GRIP1: variants seen among roughly 807,000 people sequenced by gnomAD.
GRIP1 encodes glutamate receptor-interacting protein 1.
Under a neutral mutation model 129.9 loss-of-function variants are expected in GRIP1, and 45 were observed. The observed-to-expected ratio is 0.35, with a 90% CI of 0.27 to 0.44. The LOEUF (loss-of-function observed/expected upper bound fraction) is 0.44. Among genes scored for constraint, GRIP1 ranks in the 20% least tolerant of loss-of-function variants. GRIP1 has a pLI of 1.00. For synonymous variants in GRIP1, 530 were observed against 520.8 expected, an observed-to-expected ratio of 1.02 and a Z score of -0.24; for missense variants, 1,196 against 1,396.8, an observed-to-expected ratio of 0.86 and a Z score of 2.29.
intron 7 of GRIP1, 82 bp from the exon 8 acceptor site, chr12:66,465,504 G>T: frequency 8.4e-7 from 1 of 1,194,426 alleles, no homozygotes; most frequent in Non-Finnish European, 1.2e-6. Context: ...AGAATATTCA[G>T]TTTGGTGTTA....
chr12:66,675,746 G>T (rs572893719), intron 1 of GRIP1, among the ~76,000 whole-genome samples: 1 of 152,138 alleles, frequency 6.6e-6, no homozygotes, highest in African/African-American at 2.4e-5. Flanking sequence ...AGAAAAGAAC[G>T]GCATTGCTTC....
At chr12:66,947,903 G>GA (rs2041697248) in intron 1 of GRIP1, among the ~76,000 whole-genome samples, 1 of 152,206 alleles carries the variant, frequency 6.6e-6, no homozygotes, top group South Asian at 2.1e-4. Context: ...TCCAGGGCAT[G>GA]AAGGGGAGTT....
At chr12:66,663,677 T>G (rs1306997189) in intron 1 of GRIP1, among the ~76,000 whole-genome samples, 3 of 152,204 alleles carry the variant, frequency 2.0e-5, no homozygotes, top group African/African-American at 7.2e-5. Flanking sequence ...AAAGAACTTG[T>G]TAGGCTCCTA....
intron 1 of GRIP1, among the ~76,000 whole-genome samples, chr12:66,855,263 T>C (rs1394872978): frequency 6.6e-6 from 1 of 152,046 alleles, no homozygotes; most frequent in East Asian, 1.9e-4. Flanking sequence ...AAAATCAAAC[T>C]ACCCTCTAAG....
Position 66,456,330 on chromosome 12 carries a change from C to T in GRIP1, c.1055G>A (p.Arg352Lys), listed in dbSNP as rs760742394. 1.1e-4 allele frequency: 136 copies of T among 1,288,858 alleles called. No individual in the cohort carries two copies. The Middle Eastern group carries it at 1.3e-3, about 12-fold the overall frequency. 79.8% of individuals were successfully genotyped at this position (1,288,858 alleles called of 1,614,324 possible). Residue 352 changes from arginine to lysine, a missense_variant, in exon 10 of 25, where the codon AGG becomes AAG. This residue lies in a region of GRIP1 where 508 missense variants were observed against 587.0 expected (regional missense o/e 0.87). Transcript: ENST00000359742. ...LKGPDHVKIQ[R>K]SDRQLTWDSW... ...ATCCCAGGTAAGTTGCCTGTCGCTC[C>T]TCTGAATTTTCACTGCCCATATGAA...
intron 1 of GRIP1, among the ~76,000 whole-genome samples, chr12:67,043,845 C>A (rs1356022822): frequency 6.6e-6 from 1 of 151,946 alleles, no homozygotes; most frequent in Non-Finnish European, 1.5e-5. Flanking sequence ...TGCATTTGTA[C>A]AGAAGATTTG....
chr12:66,573,196 G>A (rs1267520898), intron 2 of GRIP1, among the ~76,000 whole-genome samples: 2 of 152,088 alleles, frequency 1.3e-5, no homozygotes, highest in African/African-American at 4.8e-5. Context: ...GGCAGCCTCT[G>A]GGGCTGACAG....
At chr12:66,486,632 C>T (rs1264734390) in intron 7 of GRIP1, among the ~76,000 whole-genome samples, 5 of 152,166 alleles carry the variant, frequency 3.3e-5, no homozygotes, top group Admixed American at 3.3e-4. Context: ...GGACTTGCTC[C>T]TTCTTGCCTT....
At chr12:66,735,288 G>T (rs1430122056) in intron 1 of GRIP1, among the ~76,000 whole-genome samples, 1 of 152,140 alleles carries the variant, frequency 6.6e-6, no homozygotes, top group Non-Finnish European at 1.5e-5. Flanking sequence ...CATAGAGAAA[G>T]TAAAAATATG....
At chr12:67,024,927 T>A (rs2042919711) in intron 1 of GRIP1, among the ~76,000 whole-genome samples, 1 of 152,242 alleles carries the variant, frequency 6.6e-6, no homozygotes, top group Non-Finnish European at 1.5e-5. Context: ...CACTGCCATT[T>A]GTTTTTCTTT....
chr12:66,722,160 G>A (rs1442195719), intron 1 of GRIP1, among the ~76,000 whole-genome samples: 1 of 152,044 alleles, frequency 6.6e-6, no homozygotes, highest in Non-Finnish European at 1.5e-5. Context: ...TTAACTATTT[G>A]GCGAAAGAGA....
At chr12:66,688,980 G>T (rs2034882644) in intron 1 of GRIP1, among the ~76,000 whole-genome samples, 1 of 152,090 alleles carries the variant, frequency 6.6e-6, no homozygotes, top group South Asian at 2.1e-4. Flanking sequence ...CAAGCCCCCT[G>T]CAGTCTAGCA....
chr12:66,581,042 A>T (rs2063356582), intron 2 of GRIP1, among the ~76,000 whole-genome samples: 1 of 152,320 alleles, frequency 6.6e-6, no homozygotes, highest in Middle Eastern at 3.4e-3. Flanking sequence ...AAAGAACAGA[A>T]ATTATAACAA....
rs755458052 is a variant in GRIP1 at position 66,827,387 on chromosome 12, T to TGTGA, written c.59-230461_59-230460insTCAC. 2.1e-3 allele frequency among the ~76,000 whole-genome samples: 231 copies of TGTGA among 108,290 alleles called. No homozygotes were observed. In the East Asian group the frequency reaches 0.021, roughly 10 times the overall value. 71.0% of individuals were successfully genotyped at this position (108,290 alleles called of 152,430 possible). On this transcript the variant is annotated intron_variant, in intron 1 of 1. Coordinates refer to the GRIP1 transcript ENST00000643019. ...AGGTGTGTGTGTGTGTGTGTGTGTG[T>TGTGA]GAGAGAGAGAGAGAGAGAGAGAGAG...
chr12:66,434,631 T>C (rs1470004318), intron 13 of GRIP1, among the ~76,000 whole-genome samples: 1 of 152,238 alleles, frequency 6.6e-6, no homozygotes, highest in Non-Finnish European at 1.5e-5. Flanking sequence ...GCAAATGTCA[T>C]AAATATTTCC....
chr12:66,814,258 A>G (rs1377403293), intron 1 of GRIP1, among the ~76,000 whole-genome samples: 1 of 152,144 alleles, frequency 6.6e-6, no homozygotes, highest in Non-Finnish European at 1.5e-5. Flanking sequence ...AAACAATAGT[A>G]CCATATTCAT....
rs73327021 is a variant in GRIP1, at chr12:66,669,678, G to T, written c.55+9172C>A. Among the ~76,000 whole-genome samples the T allele has an allele frequency of 2.6e-5, 4 of 152,006 alleles. No individual in the cohort carries two copies. The South Asian group carries it at 8.3e-4, about 31-fold the overall frequency. ...TAAATGTTTAACAAGTGGCTTTGTCGGGGCATGCCTTGATTTATAGCATCC... is the reference window on the plus strand; with the variant it reads ...TAAATGTTTAACAAGTGGCTTTGTCTGGGCATGCCTTGATTTATAGCATCC... On this transcript the variant is annotated intron_variant, in intron 1 of 24. Coordinates refer to ENST00000359742, the MANE Select transcript of GRIP1 (RefSeq NM_001366722.1).
At chr12:66,984,015 G>C (rs1332132183) in intron 1 of GRIP1, among the ~76,000 whole-genome samples, 1 of 152,158 alleles carries the variant, frequency 6.6e-6, no homozygotes, top group African/African-American at 2.4e-5. Context: ...GGGATGTTCA[G>C]GTTAGAGATA....
At position 66,348,760 on chromosome 12, in the gene GRIP1, T is replaced by C. The variant is rs976104261; in HGVS notation, c.*259A>G. On this transcript the variant is annotated 3_prime_UTR_variant, in exon 25 of 25. Transcript: ENST00000359742. ...TCCTCTGATGTTAATTGTAGAGTTG[T>C]GGGGGACGGCCTATTTTTCTCTACC... The C allele has an allele frequency of 3.4e-5, 17 of 504,510 alleles. No homozygotes were observed. The highest frequency in any genetic ancestry group is 6.6e-5 in the Admixed American group (2 of 30,484). 31.3% of individuals were successfully genotyped at this position (504,510 alleles called of 1,614,324 possible).
Sources: gnomAD v4.1 joint callset for allele counts (sites outside exome capture counted in the v4.1 genomes callset) on GRCh38, gnomAD v4.1.1 for gene constraint, gnomAD v4.1.1 regional missense constraint, MANE v1.5 for transcripts, NCBI Gene and HGNC (gene_info 2026-07-23, HGNC 2026-07-21) for gene names.